The following EYS variants were observed in gnomAD, a reference collection of about 807,000 sequenced individuals.
The protein encoded by EYS is EGF-like photoreceptor maintenance factor, also known as protein eyes shut homolog.
A neutral mutation model predicts 282.1 loss-of-function variants in EYS; 250 were observed. That is an observed-to-expected ratio of 0.89 (90% CI 0.80 to 0.98). EYS has a LOEUF of 0.98. Ranked by LOEUF, EYS falls within the 50% of genes least tolerant of loss-of-function variation. EYS has a pLI of 0.00. For synonymous variants in EYS, 1,355 were observed against 1,282.9 expected (o/e 1.06, Z -1.20); for missense variants, 4,016 against 3,709.0 (o/e 1.08, Z -2.15).
At chr6:64,890,054 C>CG (rs889655284) in intron 18 of EYS, among the ~76,000 whole-genome samples, 100 of 150,310 alleles carry the variant, frequency 6.7e-4, no homozygotes, top group Non-Finnish European at 1.3e-3. Flanking sequence ...TGCCCCCCCC[C>CG]CCCAAGGTGT....
intron 22 of EYS, among the ~76,000 whole-genome samples, chr6:64,759,438 A>G (rs1005549406): frequency 6.6e-6 from 1 of 152,154 alleles, no homozygotes; most frequent in African/African-American, 2.4e-5. Flanking sequence ...TCTGTAGTAA[A>G]TTTGCCTACT....
chr6:65,079,143 A>C (rs1028419054), intron 12 of EYS, among the ~76,000 whole-genome samples: 1 of 152,038 alleles, frequency 6.6e-6, no homozygotes, highest in African/African-American at 2.4e-5. Flanking sequence ...TGATTTGATT[A>C]CTAAAGCTGA....
At chr6:63,977,064 T>C (rs1766870576) in intron 35 of EYS, among the ~76,000 whole-genome samples, 1 of 151,832 alleles carries the variant, frequency 6.6e-6, no homozygotes, top group Admixed American at 6.6e-5. Context: ...TAGCCTCCTA[T>C]TGTACTATAG....
At chr6:64,929,480 C>A (rs1471920893) in intron 15 of EYS, among the ~76,000 whole-genome samples, 1 of 152,104 alleles carries the variant, frequency 6.6e-6, no homozygotes, top group Non-Finnish European at 1.5e-5. Context: ...AATAGCCTTA[C>A]AACAAGATAC....
At chr6:63,738,917 A>C (rs1290708349) in intron 41 of EYS, among the ~76,000 whole-genome samples, 1 of 152,034 alleles carries the variant, frequency 6.6e-6, no homozygotes, top group Non-Finnish European at 1.5e-5. Context: ...GGAATTAACT[A>C]CCTTTTGGAG....
intron 12 of EYS, among the ~76,000 whole-genome samples, chr6:65,107,252 A>C (rs1775065373): frequency 6.6e-6 from 1 of 151,174 alleles, no homozygotes; most frequent in African/African-American, 2.4e-5. Context: ...GAGTCAGATA[A>C]GGCCTTTGTC....
intron 30 of EYS, among the ~76,000 whole-genome samples, chr6:64,291,584 G>T (rs1768709091): frequency 6.6e-6 from 1 of 152,012 alleles, no homozygotes; most frequent in Admixed American, 6.6e-5. Flanking sequence ...CTTTTACAGT[G>T]CAGGGAAGTG....
intron 19 of EYS, among the ~76,000 whole-genome samples, chr6:64,864,762 G>A (rs954861941): frequency 7.3e-5 from 11 of 151,670 alleles, no homozygotes; most frequent in East Asian, 2.0e-4. Flanking sequence ...TGGGGCAGGC[G>A]CAGTGGCTCA....
At chr6:64,609,826 G>T (rs1767052660) in intron 24 of EYS, among the ~76,000 whole-genome samples, 1 of 151,956 alleles carries the variant, frequency 6.6e-6, no homozygotes, top group Non-Finnish European at 1.5e-5. Context: ...GTTTGACGCT[G>T]CAGTGAGCTA....
At chr6:64,905,951 C>G (rs957948834) in intron 16 of EYS, among the ~76,000 whole-genome samples, 1 of 151,666 alleles carries the variant, frequency 6.6e-6, no homozygotes, top group Non-Finnish European at 1.5e-5. Context: ...AACTCAAACA[C>G]TTAAAAATGT....
intron 41 of EYS, among the ~76,000 whole-genome samples, chr6:63,752,033 C>A (rs1031130726): frequency 1.3e-5 from 2 of 152,142 alleles, no homozygotes; most frequent in Non-Finnish European, 2.9e-5. Flanking sequence ...GTGTTCTATT[C>A]CATGTTTTGT....
intron 19 of EYS, among the ~76,000 whole-genome samples, chr6:64,830,047 C>T (rs1765170083): frequency 1.3e-5 from 2 of 151,904 alleles, no homozygotes; most frequent in South Asian, 2.1e-4. Context: ...CGCAAATTCA[C>T]ATGTTGAAAT....
chr6:64,057,061 T>C (rs1190790108), intron 33 of EYS, among the ~76,000 whole-genome samples: 3 of 152,222 alleles, frequency 2.0e-5, no homozygotes, highest in African/African-American at 7.2e-5. Flanking sequence ...CTGTGTCTTA[T>C]GATGGCATTA....
chr6:63,726,945 CA>C (rs1768636697), intron 41 of EYS, among the ~76,000 whole-genome samples: 1 of 152,250 alleles, frequency 6.6e-6, no homozygotes, highest in East Asian at 1.9e-4. Flanking sequence ...CTATCTGACA[CA>C]AATCTTCTGC....
At chr6:63,734,659 C>T (rs1768865301) in intron 41 of EYS, among the ~76,000 whole-genome samples, 1 of 151,986 alleles carries the variant, frequency 6.6e-6, no homozygotes, top group Admixed American at 6.6e-5. Flanking sequence ...TCAAGGGTAA[C>T]TATGGGGTTT....
intron 28 of EYS, among the ~76,000 whole-genome samples, chr6:64,407,456 G>T (rs1405067342): frequency 1.3e-5 from 2 of 151,836 alleles, no homozygotes; most frequent in Non-Finnish European, 2.9e-5. Context: ...ATTTAAAAAA[G>T]GAATAAAAAG....
chr6:64,901,253 A>G (rs772247492), intron 18 of EYS, among the ~76,000 whole-genome samples: 2 of 148,300 alleles, frequency 1.3e-5, no homozygotes, highest in African/African-American at 5.0e-5. Flanking sequence ...GTTGGGGGGC[A>G]AGGGGAGGGA....
intron 30 of EYS, among the ~76,000 whole-genome samples, chr6:64,250,670 G>A (rs377233742): frequency 9.9e-5 from 15 of 152,088 alleles, no homozygotes; most frequent in African/African-American, 3.4e-4. Context: ...CAAATTTACC[G>A]ATAAATTCGT....
chr6:65,080,442 A>G (rs1405333935), intron 12 of EYS, among the ~76,000 whole-genome samples: 2 of 152,128 alleles, frequency 1.3e-5, no homozygotes, highest in East Asian at 3.9e-4. Flanking sequence ...TTTTTATCAG[A>G]TAAGATTAAC....
Sources: gnomAD v4.1 joint callset for allele counts (sites outside exome capture counted in the v4.1 genomes callset) on GRCh38, gnomAD v4.1.1 for gene constraint, MANE v1.5 for transcripts, NCBI Gene and HGNC (gene_info 2026-07-23, HGNC 2026-07-21) for gene names.